MEIG1: variants seen among roughly 807,000 people sequenced by gnomAD.
MEIG1 encodes meiosis expressed gene 1 protein homolog.
In MEIG1, 12 loss-of-function variants were observed where a neutral mutation model predicts 11.3. The ratio of observed to expected loss-of-function variants is 1.07; its 90% CI spans 0.68 to 1.73. MEIG1 has a LOEUF of 1.73. MEIG1 is among the 40% of genes most tolerant of loss of function. The probability of loss-of-function intolerance (pLI) is 0.00; values close to 1 mark genes in which losing one functional copy is unlikely to be tolerated. For missense variants in MEIG1, 119 were observed against 104.9 expected, an observed-to-expected ratio of 1.13 and a Z score of -0.59; for synonymous variants, 41 against 33.2, an observed-to-expected ratio of 1.24 and a Z score of -0.81.
intron 1 of MEIG1, among the ~76,000 whole-genome samples, chr10:14,982,829 GTT>G (rs1843278605): frequency 6.6e-6 from 1 of 151,936 alleles, no homozygotes; most frequent in Admixed American, 6.6e-5. Context: ...ATATTAAAGA[GTT>G]ATACTCACGA....
In MEIG1 at chr10:14,983,672, G is replaced by A. The variant is rs188679223; in HGVS notation, n.67-3124G>A. ...CCAGAAGAAGAGAAGATGATACCAC[G>A]CCCCCATCGCAGGAGGTGTACACCC... On this transcript the variant is annotated intron_variant and non_coding_transcript_variant, in intron 1 of 2. Coordinates refer to the MEIG1 transcript ENST00000467536. 3.5e-3 allele frequency among the ~76,000 whole-genome samples: 534 copies of A among 151,774 alleles called. 4 individuals are homozygous for A. Among genetic ancestry groups the A allele is most frequent in the African/African-American group, 0.012 (502 of 41,360 alleles).
chr10:14,981,976 C>G (rs1843270250), intron 1 of MEIG1, among the ~76,000 whole-genome samples: 1 of 152,202 alleles, frequency 6.6e-6, no homozygotes, highest in South Asian at 2.1e-4. Flanking sequence ...CAAACACCTG[C>G]TTAGCTCTTT....
upstream of MEIG1, among the ~76,000 whole-genome samples, chr10:14,955,877 A>G (rs1426971134): frequency 6.6e-6 from 1 of 152,212 alleles, no homozygotes; most frequent in Non-Finnish European, 1.5e-5. Flanking sequence ...TCCTGCTAGT[A>G]TACTACTGGC....
intron 1 of MEIG1, among the ~76,000 whole-genome samples, chr10:14,980,941 G>A (rs552528716): frequency 6.6e-6 from 1 of 152,312 alleles, no homozygotes; most frequent in South Asian, 2.1e-4. Flanking sequence ...ACTGTTGGAT[G>A]GAAAGTCAGT....
chr10:14,961,760 G>A (rs7919977), intron 1 of MEIG1, among the ~76,000 whole-genome samples: 95,097 of 148,896 alleles, frequency 0.64, 30,684 homozygotes, highest in Non-Finnish European at 0.68. Flanking sequence ...GATTACAGGC[G>A]TGAGCCACCG....
intron 2 of MEIG1, chr10:14,987,354 A>T (rs1843329819): frequency 1.3e-6 from 1 of 796,598 alleles, no homozygotes; most frequent in Non-Finnish European, 2.3e-6. Context: ...AGGGACAGGG[A>T]CAGCAAAGCG....
At chr10:14,983,045 A>G (rs1171774996) in intron 1 of MEIG1, among the ~76,000 whole-genome samples, 3 of 152,268 alleles carry the variant, frequency 2.0e-5, no homozygotes, top group South Asian at 4.1e-4. Context: ...AGGAAGAATT[A>G]ATATGAATAT....
At chr10:14,979,115 T>C (rs1389628551) in intron 1 of MEIG1, among the ~76,000 whole-genome samples, 4 of 152,072 alleles carry the variant, frequency 2.6e-5, no homozygotes, top group Admixed American at 1.3e-4. Flanking sequence ...ATTCCTCCTA[T>C]GTCACATGGG....
At chr10:14,987,358 C>T (rs1843329902) in intron 2 of MEIG1, 2 of 791,126 alleles carry the variant, frequency 2.5e-6, no homozygotes, top group East Asian at 2.5e-5. Context: ...ACAGGGACAG[C>T]AAAGCGAGGA....
chr10:14,977,839 CT>C (rs950909567), downstream of MEIG1, among the ~76,000 whole-genome samples: 1 of 151,780 alleles, frequency 6.6e-6, no homozygotes, highest in Non-Finnish European at 1.5e-5. Flanking sequence ...AGCTCATATC[CT>C]AGGGAGGTAT....
chr10:14,961,863 A>C (rs955615478), intron 1 of MEIG1, among the ~76,000 whole-genome samples: 1 of 151,884 alleles, frequency 6.6e-6, no homozygotes, highest in Non-Finnish European at 1.5e-5. Context: ...GCTGGAATGC[A>C]GTGACTTGAT....
chr10:14,980,944 A>G (rs1288817918), intron 1 of MEIG1, among the ~76,000 whole-genome samples: 1 of 152,140 alleles, frequency 6.6e-6, no homozygotes, highest in African/African-American at 2.4e-5. Flanking sequence ...GTTGGATGGA[A>G]AGTCAGTGTA....
intron 2 of MEIG1, chr10:14,987,490 G>A (rs7901784): frequency 0.37 from 259,369 of 709,024 alleles, 50,181 homozygotes; most frequent in African/African-American, 0.6. Flanking sequence ...AAAATAAAAG[G>A]TAAAAACCAG....
At chr10:14,954,680 C>T (rs1382957641), upstream of MEIG1, among the ~76,000 whole-genome samples, 3 of 152,076 alleles carry the variant, frequency 2.0e-5, no homozygotes, top group African/African-American at 7.2e-5. Flanking sequence ...TGGCCTCTCC[C>T]CTGGGCCCCC....
At chr10:14,966,236 G>T (rs1396830257) in intron 1 of MEIG1, among the ~76,000 whole-genome samples, 1 of 151,634 alleles carries the variant, frequency 6.6e-6, no homozygotes, top group East Asian at 1.9e-4. Flanking sequence ...GCTAATTTTT[G>T]TATTTTTAGC....
At chr10:14,978,560 G>A (rs140602186) in intron 1 of MEIG1, among the ~76,000 whole-genome samples, 46 of 152,032 alleles carry the variant, frequency 3.0e-4, no homozygotes, top group African/African-American at 1.1e-3. Context: ...CACAATGCAT[G>A]TACACCTTGT....
downstream of MEIG1, among the ~76,000 whole-genome samples, chr10:14,976,599 A>T (rs1276932217): frequency 6.6e-6 from 1 of 150,860 alleles, no homozygotes; most frequent in African/African-American, 2.4e-5. Flanking sequence ...CTGTGATATT[A>T]TCGTCCTATT....
chr10:14,980,985 G>C (rs1258768682), intron 1 of MEIG1, among the ~76,000 whole-genome samples: 1 of 152,130 alleles, frequency 6.6e-6, no homozygotes, highest in East Asian at 1.9e-4. Flanking sequence ...ATCCTGTCCC[G>C]GCCTGTAGAC....
At chr10:14,960,048 T>C (rs990298288) in intron 1 of MEIG1, among the ~76,000 whole-genome samples, 6 of 152,208 alleles carry the variant, frequency 3.9e-5, no homozygotes, top group African/African-American at 1.4e-4. Flanking sequence ...CCGGGCGTGC[T>C]TTCGGAACCG....
Sources: gnomAD v4.1 joint callset for allele counts (sites outside exome capture counted in the v4.1 genomes callset) on GRCh38, gnomAD v4.1.1 for gene constraint, MANE v1.5 for transcripts, NCBI Gene and HGNC (gene_info 2026-07-23, HGNC 2026-07-21) for gene names.